The following CREB3L1 variants were observed in gnomAD, a reference collection of about 807,000 sequenced individuals.
The protein encoded by CREB3L1 is cyclic AMP-responsive element-binding protein 3-like protein 1.
Under a neutral mutation model 54.5 loss-of-function variants are expected in CREB3L1, and 33 were observed. The observed-to-expected ratio is 0.61, with a 90% CI of 0.46 to 0.81. The LOEUF (loss-of-function observed/expected upper bound fraction) is 0.81, where lower values mean the gene tolerates loss of function less well. CREB3L1 is among the 30% of genes least tolerant of loss of function. CREB3L1 has a pLI of 0.00. For missense variants in CREB3L1, 656 were observed against 673.3 expected, an observed-to-expected ratio of 0.97 and a Z score of 0.29; for synonymous variants, 284 against 286.4, an observed-to-expected ratio of 0.99 and a Z score of 0.08.
chr11:46,300,263 C>A, intron 2 of CREB3L1, 100 bp downstream of exon 2: 1 of 914,552 alleles, frequency 1.1e-6, no homozygotes. Context: ...CTGAGACTCC[C>A]AGAGGCTCCA....
intron 1 of CREB3L1, among the ~76,000 whole-genome samples, chr11:46,287,370 T>G (rs1939069185): frequency 6.6e-6 from 1 of 152,004 alleles, no homozygotes; most frequent in Non-Finnish European, 1.5e-5. Flanking sequence ...ACAAACACAG[T>G]TCACTGCAGC....
intron 1 of CREB3L1, among the ~76,000 whole-genome samples, chr11:46,299,607 A>G (rs377167787): frequency 1.3e-5 from 2 of 152,380 alleles, no homozygotes; most frequent in East Asian, 1.9e-4. Context: ...AAGGTCACAG[A>G]GCCCAGTGTC....
chr11:46,308,060 G>A, intron 3 of CREB3L1, 60 bp downstream of exon 3: 1 of 1,396,252 alleles, frequency 7.2e-7, no homozygotes, highest in Non-Finnish European at 9.5e-7. Flanking sequence ...GGGTCTGTGG[G>A]AAGAGGTGCC....
chr11:46,290,209 G>A (rs771657847), intron 1 of CREB3L1, among the ~76,000 whole-genome samples: 7 of 152,140 alleles, frequency 4.6e-5, no homozygotes, highest in Non-Finnish European at 8.8e-5. Flanking sequence ...CCTCTTTGGG[G>A]CTGGGAGCTC....
intron 1 of CREB3L1, among the ~76,000 whole-genome samples, chr11:46,296,522 C>CT (rs1372301561): frequency 6.6e-6 from 1 of 152,182 alleles, no homozygotes; most frequent in Non-Finnish European, 1.5e-5. Flanking sequence ...CCCGTCCCTT[C>CT]TGCCTCTAAC....
intron 1 of CREB3L1, among the ~76,000 whole-genome samples, chr11:46,296,626 G>A (rs919122404): frequency 7.2e-5 from 11 of 152,186 alleles, no homozygotes; most frequent in African/African-American, 2.4e-4. Flanking sequence ...AGTCCCTGAT[G>A]GCAGTGCTCC....
rs879070508 is a variant in CREB3L1 at position 46,321,392 on chromosome 11, C to CAA, written c.*662_*663dup. On this transcript the variant is annotated 3_prime_UTR_variant, in exon 12 of 12. Transcript: ENST00000621158. ...AGCACATGCTTTAAGAAAGCAAAAC[C>CAA]AAAAAAAAAAAAAAAAAGATGCAGC... The CAA allele has an allele frequency of 9.4e-5, 13 of 137,826 alleles. No individual in the cohort carries two copies. The highest frequency in any genetic ancestry group is 3.4e-4 in the East Asian group (3 of 8,756). The allele number at this position is 137,826 out of a possible 1,614,324, so 8.5% of individuals were successfully genotyped here.
chr11:46,283,909 C>T (rs1292897536), intron 1 of CREB3L1, among the ~76,000 whole-genome samples: 1 of 152,052 alleles, frequency 6.6e-6, no homozygotes, highest in African/African-American at 2.4e-5. Context: ...AAGAGGTGTA[C>T]TTATGATTCC....
At position 46,278,407 on chromosome 11, in the gene CREB3L1, C is replaced by T. The variant is rs1938912379; in HGVS notation, c.102+194C>T. The stretch of plus-strand genomic sequence containing the variant: ...GGGCTCAATCTTTGAATACACTGGC[C>T]TCCACCTTCTAGGGGGAAGGGGCCA... On this transcript the variant is annotated intron_variant, in intron 1 of 11. Transcript: ENST00000621158. The surrounding 1 kb of genome is among the most constrained non-coding windows in gnomAD (Gnocchi z 4.2). Among the ~76,000 whole-genome samples, 1 of 152,224 alleles carries T rather than the reference C, an allele frequency of 6.6e-6. No individual in the cohort carries two copies. The highest frequency in any genetic ancestry group is 1.5e-5 in the Non-Finnish European group (1 of 68,024).
intron 1 of CREB3L1, among the ~76,000 whole-genome samples, chr11:46,289,103 C>A (rs996533566): frequency 6.6e-6 from 1 of 152,054 alleles, no homozygotes. Flanking sequence ...TCCGGCCAGG[C>A]GCGGTGGCTC....
In CREB3L1 at chr11:46,320,815, C is replaced by T. The variant is rs368052543; in HGVS notation, c.*69C>T. 8.2e-5 allele frequency: 125 copies of T among 1,527,932 alleles called. No homozygotes were observed. In the African/African-American group the frequency reaches 1.3e-3, roughly 15 times the overall value. 94.6% of individuals were successfully genotyped at this position (1,527,932 alleles called of 1,614,324 possible). On this transcript the variant is annotated 3_prime_UTR_variant, in exon 12 of 12. Coordinates refer to ENST00000621158, the MANE Select transcript of CREB3L1 (RefSeq NM_052854.4). ...GAAGAGGAGTTCTTGCTCACTAACCCGGATCCGCCTCGTGCCCCTGCCTCC... is the reference window on the plus strand; with the variant it reads ...GAAGAGGAGTTCTTGCTCACTAACCTGGATCCGCCTCGTGCCCCTGCCTCC...
rs189373550 is a variant in CREB3L1 at position 46,316,674 on chromosome 11, G to A, written c.1131+289G>A. On this transcript the variant is annotated intron_variant, in intron 9 of 11. Coordinates refer to ENST00000621158, the MANE Select transcript of CREB3L1 (RefSeq NM_052854.4). ...AGCTGGGCAGGTTCCTTGAGGAGGC[G>A]GCTTCCACAGGCCTTGTGCAGGGAA... is the stretch of plus-strand genomic sequence containing the variant. Among the ~76,000 whole-genome samples the A allele has an allele frequency of 1.9e-3, 291 of 152,280 alleles. 4 individuals carry two copies. The Middle Eastern group carries it at 0.027, about 14-fold the overall frequency.
intron 1 of CREB3L1, among the ~76,000 whole-genome samples, chr11:46,287,150 T>C (rs961295252): frequency 6.6e-6 from 1 of 152,188 alleles, no homozygotes; most frequent in African/African-American, 2.4e-5. Context: ...TGCTTTAACC[T>C]CTCCAAGCTT....
intron 1 of CREB3L1, among the ~76,000 whole-genome samples, chr11:46,285,482 C>A (rs1022325362): frequency 2.6e-5 from 4 of 152,140 alleles, no homozygotes; most frequent in African/African-American, 9.7e-5. Flanking sequence ...CTGGGAGAGG[C>A]AGGAAATGCC....
In CREB3L1 at chr11:46,278,371, G is replaced by A. The variant is rs1028805696; in HGVS notation, c.102+158G>A. On this transcript the variant is annotated intron_variant, in intron 1 of 11. Transcript: ENST00000621158. This position sits in a 1 kb window ranked among gnomAD's most constrained non-coding sequence, Gnocchi z 4.2. ...GAGCGACATGTGTTTGGAGCTAAGCGCCCCTCCTGGGGGCTCAATCTTTGA... is the reference window on the plus strand; with the variant it reads ...GAGCGACATGTGTTTGGAGCTAAGCACCCCTCCTGGGGGCTCAATCTTTGA... Among the ~76,000 whole-genome samples the A allele has an allele frequency of 2.6e-5, 4 of 152,204 alleles. No individual in the cohort carries two copies. The highest frequency in any genetic ancestry group is 5.9e-5 in the Non-Finnish European group (4 of 68,018).
rs1256955426 is a variant in CREB3L1 at position 46,278,627 on chromosome 11, A to T, written c.102+414A>T. 6.6e-6 allele frequency among the ~76,000 whole-genome samples: 1 copy of T among 152,084 alleles called. No individual in the cohort carries two copies. The highest frequency in any genetic ancestry group is 6.5e-5 in the Admixed American group (1 of 15,270). On this transcript the variant is annotated intron_variant, in intron 1 of 11. Transcript: ENST00000621158. The surrounding 1 kb of genome is among the most constrained non-coding windows in gnomAD (Gnocchi z 4.2). Reference sequence around the variant, plus strand: ...AGGCTGGATCTCCGCTGGGGGGCGCACCGGGGAACGTTCAGAGGGCCTGAG... The same window carrying T: ...AGGCTGGATCTCCGCTGGGGGGCGCTCCGGGGAACGTTCAGAGGGCCTGAG...
In CREB3L1 at chr11:46,300,158, C is replaced by A. The variant is rs773238619; in HGVS notation, c.326C>A (p.Thr109Asn). The A allele has an allele frequency of 1.4e-5, 22 of 1,610,650 alleles. No homozygotes were observed. The Admixed American group carries it at 3.5e-4, about 26-fold the overall frequency. Residue 109 changes from threonine to asparagine, a missense_variant, in exon 2 of 12, where the codon ACC becomes AAC. Around this residue, in one of 3 missense-constraint regions of CREB3L1, gnomAD observed 339 missense variants for 331.5 expected, o/e 1.02. Transcript: ENST00000621158. ...PLVPIKMEDTTQDAEHGAWAL... is the reference protein window; with the variant it reads ...PLVPIKMEDTNQDAEHGAWAL... ...GTGCCCATCAAGATGGAGGACACCA[C>A]CCAAGGTAAGAGGTGGAAGAACCTG...
intron 1 of CREB3L1, among the ~76,000 whole-genome samples, chr11:46,296,412 G>T (rs140729196): frequency 1.1e-3 from 164 of 152,136 alleles, no homozygotes; most frequent in African/African-American, 3.8e-3. Flanking sequence ...CGCTCACTGT[G>T]CGTCCTGGGT....
In CREB3L1 at chr11:46,277,736, G is replaced by A. The variant is rs533803208; in HGVS notation, c.-376G>A. The A allele has an allele frequency of 3.0e-4, 67 of 225,896 alleles. No individual in the cohort carries two copies. In the South Asian group the frequency reaches 0.011, roughly 39 times the overall value. The allele number at this position is 225,896 out of a possible 1,614,324, so 14.0% of individuals were successfully genotyped here. On this transcript the variant is annotated 5_prime_UTR_variant, in exon 1 of 12. Coordinates refer to ENST00000621158, the MANE Select transcript of CREB3L1 (RefSeq NM_052854.4). ...AGAGGCCGGCAGCCACCCAGTCTCG[G>A]GGGAGCACTTAGCTCCCCCGCCCCG...
Sources: gnomAD v4.1 joint callset for allele counts (sites outside exome capture counted in the v4.1 genomes callset) on GRCh38, gnomAD v4.1.1 for gene constraint, gnomAD v4.1.1 regional missense constraint, Gnocchi (gnomAD v3.1) non-coding constraint, MANE v1.5 for transcripts, NCBI Gene and HGNC (gene_info 2026-07-23, HGNC 2026-07-21) for gene names.